Variants in RNF220 observed in about 807,000 individuals in gnomAD.
RNF220 encodes the protein ring finger protein 220.
In RNF220, 7 loss-of-function variants were observed where a neutral mutation model predicts 67.1. The observed-to-expected ratio is 0.10, with a 90% CI of 0.06 to 0.20. The LOEUF (loss-of-function observed/expected upper bound fraction) is 0.20, where lower values mean the gene tolerates loss of function less well. RNF220 is among the 10% of genes least tolerant of loss of function. The pLI is 1.00. For missense variants in RNF220, 565 were observed against 740.3 expected (o/e 0.76, Z 2.75); for synonymous variants, 270 against 283.2 (o/e 0.95, Z 0.47).
intron 2 of RNF220, among the ~76,000 whole-genome samples, chr1:44,569,433 G>A (rs1465770416): frequency 3.3e-5 from 5 of 152,106 alleles, no homozygotes; most frequent in Non-Finnish European, 7.4e-5. Context: ...TTAATAAGAG[G>A]GATACGGTCC....
intron 4 of RNF220, among the ~76,000 whole-genome samples, chr1:44,623,196 G>A (rs1643864315): frequency 1.3e-5 from 2 of 152,130 alleles, no homozygotes; most frequent in Admixed American, 1.3e-4. Flanking sequence ...TGGGGGCACA[G>A]GGGTGTATGA....
chr1:44,536,069 C>T (rs998759520), intron 2 of RNF220, among the ~76,000 whole-genome samples: 11 of 152,140 alleles, frequency 7.2e-5, no homozygotes, highest in African/African-American at 2.7e-4. Context: ...GGGGTCTTCT[C>T]TACTTCCCAA....
intron 2 of RNF220, among the ~76,000 whole-genome samples, chr1:44,534,763 C>T (rs573875470): frequency 6.0e-4 from 92 of 152,246 alleles, no homozygotes; most frequent in Admixed American, 2.2e-3. Context: ...TCCTCCAGTT[C>T]GTTAACCTCA....
At chr1:44,620,170 C>T (rs1643734831) in intron 3 of RNF220, among the ~76,000 whole-genome samples, 1 of 152,254 alleles carries the variant, frequency 6.6e-6, no homozygotes, top group East Asian at 1.9e-4. Context: ...AAAGCCAGCA[C>T]TGTGGGCTTG....
intron 1 of RNF220, among the ~76,000 whole-genome samples, chr1:44,408,396 T>C (rs1008374152): frequency 4.6e-5 from 7 of 152,192 alleles, no homozygotes; most frequent in African/African-American, 1.7e-4. Context: ...TAGCCTTATG[T>C]TCCCTGAGCT....
At chr1:44,514,560 T>C (rs953371515) in intron 2 of RNF220, among the ~76,000 whole-genome samples, 1 of 152,196 alleles carries the variant, frequency 6.6e-6, no homozygotes, top group African/African-American at 2.4e-5. Flanking sequence ...ATGACCATGC[T>C]AGTGTTGAAA....
chr1:44,525,407 T>TTTGAATGAATGG (rs1660291570), intron 2 of RNF220, among the ~76,000 whole-genome samples: 1 of 152,226 alleles, frequency 6.6e-6, no homozygotes, highest in Admixed American at 6.5e-5. Flanking sequence ...TCAAATCCTT[T>TTTGAATGAATGG]TTGAATGAAT....
At chr1:44,647,669 G>C (rs1290632281) in intron 12 of RNF220, among the ~76,000 whole-genome samples, 2 of 152,168 alleles carry the variant, frequency 1.3e-5, no homozygotes, top group Non-Finnish European at 2.9e-5. Flanking sequence ...AAAAAGGCCA[G>C]AGATTGAAGT....
intron 2 of RNF220, among the ~76,000 whole-genome samples, chr1:44,495,589 C>T (rs1190028802): frequency 6.6e-6 from 1 of 152,154 alleles, no homozygotes; most frequent in Non-Finnish European, 1.5e-5. Flanking sequence ...GTGTGCGCCA[C>T]CATGTCCAGC....
At chr1:44,599,087 T>C (rs17842391) in intron 2 of RNF220, among the ~76,000 whole-genome samples, 73,790 of 151,774 alleles carry the variant, frequency 0.49, 18,845 homozygotes, top group Middle Eastern at 0.61. Flanking sequence ...TCTTGAGTGT[T>C]CCAGGATGAA....
chr1:44,635,377 C>A, intron 6 of RNF220, 168 bp from the exon 7 acceptor site: 1 of 1,054,404 alleles, frequency 9.5e-7, no homozygotes. Context: ...TTGGCAAAGC[C>A]CAGTCCCCAA....
chr1:44,464,429 A>G (rs1654080095), intron 2 of RNF220, among the ~76,000 whole-genome samples: 1 of 152,142 alleles, frequency 6.6e-6, no homozygotes, highest in Admixed American at 6.5e-5. Context: ...TTTTGTGCAT[A>G]TCTAAAATCT....
At chr1:44,444,315 T>G (rs905893228) in intron 2 of RNF220, among the ~76,000 whole-genome samples, 28 of 152,240 alleles carry the variant, frequency 1.8e-4, no homozygotes, top group Non-Finnish European at 2.5e-4. Context: ...ATCATGTTTT[T>G]TTTTGTACTG....
intron 2 of RNF220, among the ~76,000 whole-genome samples, chr1:44,485,512 C>T (rs796646138): frequency 3.7e-4 from 56 of 152,218 alleles, no homozygotes; most frequent in African/African-American, 1.3e-3. Flanking sequence ...GTAAAATCTT[C>T]GAGTGGGAAA....
chr1:44,430,238 T>C (rs556516466), intron 2 of RNF220, among the ~76,000 whole-genome samples: 1 of 152,268 alleles, frequency 6.6e-6, no homozygotes, highest in East Asian at 1.9e-4. Context: ...TATGCTCTTC[T>C]GCGGTATTTG....
rs371454645 is a variant in RNF220 at position 44,555,623 on chromosome 1, T to C, written c.626-58542T>C. ...TGGAGTAGCTGGGACTACAGGCGCC[T>C]GCCACCATGCCTAGCTAATTTTTTC... On this transcript the variant is annotated intron_variant, in intron 2 of 14. Transcript: ENST00000361799. 6.4e-3 allele frequency among the ~76,000 whole-genome samples: 970 copies of C among 150,492 alleles called. 44 individuals carry two copies. Among genetic ancestry groups the C allele is most frequent in the African/African-American group, 0.023 (935 of 40,268 alleles).
chr1:44,612,668 A>G (rs1274082455), intron 2 of RNF220, among the ~76,000 whole-genome samples: 1 of 152,224 alleles, frequency 6.6e-6, no homozygotes, highest in East Asian at 1.9e-4. Context: ...AATTTAGAAA[A>G]TTAGAAAATA....
At chr1:44,488,216 A>G (rs1445881941) in intron 2 of RNF220, among the ~76,000 whole-genome samples, 4 of 150,964 alleles carry the variant, frequency 2.6e-5, no homozygotes, top group Non-Finnish European at 5.9e-5. Context: ...GCTCACTGCA[A>G]CCTTCGCCTC....
At chr1:44,474,326 G>A (rs1453605508) in intron 2 of RNF220, among the ~76,000 whole-genome samples, 2 of 151,348 alleles carry the variant, frequency 1.3e-5, no homozygotes, top group African/African-American at 4.8e-5. Flanking sequence ...AGTAAGCCGA[G>A]ATCACGCCAT....
Sources: gnomAD v4.1 joint callset for allele counts (sites outside exome capture counted in the v4.1 genomes callset) on GRCh38, gnomAD v4.1.1 for gene constraint, MANE v1.5 for transcripts, NCBI Gene and HGNC (gene_info 2026-07-23, HGNC 2026-07-21) for gene names.